GPC6: variants seen among roughly 807,000 people sequenced by gnomAD.
GPC6 encodes glypican 6, also known as glypican-6.
A neutral mutation model predicts 55.2 loss-of-function variants in GPC6; 14 were observed. The ratio of observed to expected loss-of-function variants is 0.25; its 90% CI spans 0.17 to 0.40. The LOEUF is 0.40. Ranked by LOEUF, GPC6 falls within the 10% of genes least tolerant of loss-of-function variation. GPC6 has a pLI of 1.00. For missense variants in GPC6, 641 were observed against 708.5 expected (o/e 0.90, Z 1.08); for synonymous variants, 278 against 259.6 (o/e 1.07, Z -0.68).
intron 4 of GPC6, among the ~76,000 whole-genome samples, chr13:94,033,618 G>C (rs937872644): frequency 2.0e-5 from 3 of 152,192 alleles, no homozygotes; most frequent in African/African-American, 7.2e-5. Context: ...GTAAGATACT[G>C]TTCTTTCAAA....
intron 1 of GPC6, among the ~76,000 whole-genome samples, chr13:93,278,553 G>T (rs1162152399): frequency 6.6e-6 from 1 of 151,956 alleles, no homozygotes; most frequent in African/African-American, 2.4e-5. Flanking sequence ...TTTTATTTGT[G>T]TTTATCATTG....
chr13:93,439,780 G>A (rs1877720456), intron 1 of GPC6, among the ~76,000 whole-genome samples: 1 of 152,128 alleles, frequency 6.6e-6, no homozygotes, highest in South Asian at 2.1e-4. Flanking sequence ...ATACATGGCT[G>A]AATAAGGCTT....
chr13:93,363,292 A>T (rs1251694066), intron 1 of GPC6, among the ~76,000 whole-genome samples: 6 of 62,052 alleles, frequency 9.7e-5, no homozygotes, highest in Non-Finnish European at 1.4e-4. Context: ...TCCTCCCCCC[A>T]CCCCACAACA....
Position 93,227,143 on chromosome 13 carries a change from T to G in GPC6, c.-314T>G. 10 of 216,356 alleles carry G rather than the reference T, an allele frequency of 4.6e-5. No individual in the cohort carries two copies. The highest frequency in any genetic ancestry group is 1.9e-4 in the East Asian group (2 of 10,364). The allele number at this position is 216,356 out of a possible 1,614,324, so 13.4% of individuals were successfully genotyped here. A position where few individuals can be genotyped will look rare whatever the true frequency, so the allele number is the denominator to read the frequency against. ...CTCGGATTGCAGCTCTGAACCCCCA[T>G]GGTGGTTTTTTAAACACTTCTTTTC... On this transcript the variant is annotated 5_prime_UTR_variant, in exon 1 of 9. It removes an upstream start codon present in the reference 5' UTR. Coordinates refer to ENST00000377047, the MANE Select transcript of GPC6 (RefSeq NM_005708.5). This position sits in a 1 kb window ranked among gnomAD's most constrained non-coding sequence, Gnocchi z 4.3.
intron 4 of GPC6, among the ~76,000 whole-genome samples, chr13:94,232,387 C>T (rs1890756813): frequency 6.6e-6 from 1 of 152,212 alleles, no homozygotes; most frequent in Non-Finnish European, 1.5e-5. Flanking sequence ...TGGTCGCCTG[C>T]CACGTCACAC....
chr13:94,049,067 A>C (rs1226499561), intron 4 of GPC6, among the ~76,000 whole-genome samples: 1 of 152,040 alleles, frequency 6.6e-6, no homozygotes, highest in East Asian at 1.9e-4. Flanking sequence ...CCTGGTCAAC[A>C]TAGCAAGACC....
At chr13:94,373,999 C>A (rs1302775094) in intron 6 of GPC6, among the ~76,000 whole-genome samples, 1 of 151,950 alleles carries the variant, frequency 6.6e-6, no homozygotes, top group East Asian at 1.9e-4. Flanking sequence ...AAATACTTTA[C>A]AGACAAGCAA....
intron 3 of GPC6, among the ~76,000 whole-genome samples, chr13:93,960,938 G>T (rs1832360): frequency 6.6e-6 from 1 of 150,458 alleles, no homozygotes. Flanking sequence ...TCAGCCTCCC[G>T]AGTAGCTGGG....
At chr13:94,204,593 C>G (rs989534276) in intron 4 of GPC6, among the ~76,000 whole-genome samples, 1 of 152,134 alleles carries the variant, frequency 6.6e-6, no homozygotes, top group Non-Finnish European at 1.5e-5. Flanking sequence ...ATATCACCAA[C>G]ACATACAATA....
chr13:93,558,517 A>T (rs1466672906), intron 2 of GPC6, among the ~76,000 whole-genome samples: 3 of 152,190 alleles, frequency 2.0e-5, no homozygotes, highest in African/African-American at 4.8e-5. Flanking sequence ...ATAGGATTGA[A>T]GGCATGGAGA....
intron 1 of GPC6, among the ~76,000 whole-genome samples, chr13:93,489,875 G>A (rs922399308): frequency 3.9e-4 from 59 of 151,728 alleles, no homozygotes; most frequent in Admixed American, 8.5e-4. Context: ...GGGCTGAGAT[G>A]ATGGGGTTTT....
chr13:93,485,464 T>A (rs1326030471), intron 1 of GPC6, among the ~76,000 whole-genome samples: 1 of 152,218 alleles, frequency 6.6e-6, no homozygotes, highest in African/African-American at 2.4e-5. Context: ...AAATATTACA[T>A]GACCATTCAT....
intron 1 of GPC6, among the ~76,000 whole-genome samples, chr13:93,499,883 A>T (rs1401028370): frequency 6.6e-6 from 1 of 152,140 alleles, no homozygotes; most frequent in Non-Finnish European, 1.5e-5. Flanking sequence ...AGTATAGTAA[A>T]TTGTAACTGC....
chr13:93,731,630 T>C, intron 2 of GPC6, among the ~76,000 whole-genome samples: 1 of 152,198 alleles, frequency 6.6e-6, no homozygotes, highest in East Asian at 1.9e-4. Context: ...GTGTATGTGC[T>C]GTATATTTTA....
At chr13:94,284,866 A>T (rs1320435467) in intron 4 of GPC6, among the ~76,000 whole-genome samples, 2 of 88,998 alleles carry the variant, frequency 2.2e-5, no homozygotes, top group African/African-American at 5.3e-5. Flanking sequence ...TGTGGATAAT[A>T]AAAAAAAAAA....
chr13:94,074,672 A>G (rs901957314), intron 4 of GPC6, among the ~76,000 whole-genome samples: 18 of 152,200 alleles, frequency 1.2e-4, no homozygotes, highest in African/African-American at 4.3e-4. Context: ...CAGCACCTCA[A>G]CACCAGCTGC....
chr13:93,722,436 C>T (rs899412406), intron 2 of GPC6, among the ~76,000 whole-genome samples: 17 of 151,716 alleles, frequency 1.1e-4, no homozygotes, highest in Non-Finnish European at 1.2e-4. Context: ...TTTAAAGGAA[C>T]GAAGTGTATG....
At chr13:94,170,015 G>A (rs921903529) in intron 4 of GPC6, among the ~76,000 whole-genome samples, 21 of 152,112 alleles carry the variant, frequency 1.4e-4, no homozygotes, top group African/African-American at 4.6e-4. Flanking sequence ...TTATTTTGTG[G>A]CACAGAGTTG....
chr13:94,102,503 CT>C (rs773906865), intron 4 of GPC6, among the ~76,000 whole-genome samples: 503 of 143,526 alleles, frequency 3.5e-3, no homozygotes, highest in East Asian at 4.4e-3. Flanking sequence ...TTTTCTGACC[CT>C]TTTTTTTTTT....
Sources: gnomAD v4.1 joint callset for allele counts (sites outside exome capture counted in the v4.1 genomes callset) on GRCh38, gnomAD v4.1.1 for gene constraint, Gnocchi (gnomAD v3.1) non-coding constraint, MANE v1.5 for transcripts, NCBI Gene and HGNC (gene_info 2026-07-23, HGNC 2026-07-21) for gene names.